SLC24A2: variants seen among roughly 807,000 people sequenced by gnomAD.
The protein encoded by SLC24A2 is solute carrier family 24 member 2.
In SLC24A2, 36 loss-of-function variants were observed where a neutral mutation model predicts 62.0. That is an observed-to-expected ratio of 0.58 (90% CI 0.44 to 0.77). The LOEUF (loss-of-function observed/expected upper bound fraction) is 0.77. SLC24A2 is among the 30% of genes least tolerant of loss of function. The pLI, the probability that SLC24A2 is intolerant of heterozygous loss-of-function variation, is 0.00. For missense variants in SLC24A2, 846 were observed against 817.9 expected (o/e 1.03, Z -0.42); for synonymous variants, 358 against 294.0 (o/e 1.22, Z -2.23).
At chr9:19,867,913 A>T in the SLC24A2 span, among the ~76,000 whole-genome samples, 10 of 152,144 alleles carry the variant, frequency 6.6e-5, no homozygotes, top group African/African-American at 2.4e-4. Context: ...GTCTCAGAAG[A>T]ACAAAAACAA....
the SLC24A2 span, among the ~76,000 whole-genome samples, chr9:19,882,874 C>A: frequency 2.0e-5 from 3 of 152,274 alleles, no homozygotes; most frequent in East Asian, 5.8e-4. Flanking sequence ...GGCTACTCCA[C>A]CAAGCAGCCG....
chr9:20,266,830 T>C, the SLC24A2 span, among the ~76,000 whole-genome samples: 1 of 152,238 alleles, frequency 6.6e-6, no homozygotes, highest in East Asian at 1.9e-4. Context: ...ATAATTCCAA[T>C]ACTTTGGGAG....
At chr9:19,961,069 AAGAG>A in the SLC24A2 span, among the ~76,000 whole-genome samples, 1 of 140,262 alleles carries the variant, frequency 7.1e-6, no homozygotes, top group Admixed American at 7.3e-5. Flanking sequence ...AGAAAGGAGA[AAGAG>A]AGAAGAAAGG....
intron 2 of SLC24A2, among the ~76,000 whole-genome samples, chr9:19,625,836 G>A (rs961211617): frequency 2.0e-5 from 3 of 151,658 alleles, no homozygotes; most frequent in African/African-American, 7.3e-5. Context: ...ACAGGTGCCC[G>A]CCACCACGCC....
intron 4 of SLC24A2, among the ~76,000 whole-genome samples, chr9:19,610,906 C>T (rs2132934472): frequency 6.6e-6 from 1 of 152,334 alleles, no homozygotes; most frequent in South Asian, 2.1e-4. Flanking sequence ...GTGCCAGACA[C>T]TAGGGATAGA....
chr9:20,252,173 A>G, the SLC24A2 span, among the ~76,000 whole-genome samples: 1 of 152,222 alleles, frequency 6.6e-6, no homozygotes, highest in Non-Finnish European at 1.5e-5. Flanking sequence ...CAATGAGAAG[A>G]TCATTATAAA....
the SLC24A2 span, among the ~76,000 whole-genome samples, chr9:20,104,457 G>A: frequency 3.3e-5 from 5 of 152,114 alleles, no homozygotes; most frequent in East Asian, 1.9e-4. Context: ...GAGAAAGGTC[G>A]GGTTACCCAC....
the SLC24A2 span, among the ~76,000 whole-genome samples, chr9:19,936,026 C>T: frequency 6.6e-6 from 1 of 152,150 alleles, no homozygotes; most frequent in South Asian, 2.1e-4. Flanking sequence ...AAGAAATTCA[C>T]TTGAGTATGA....
At chr9:20,153,568 G>A in the SLC24A2 span, among the ~76,000 whole-genome samples, 1 of 151,792 alleles carries the variant, frequency 6.6e-6, no homozygotes, top group African/African-American at 2.4e-5. Context: ...TGAAAATGAA[G>A]GGACATCATC....
chr9:20,026,195 T>C, the SLC24A2 span, among the ~76,000 whole-genome samples: 1 of 151,864 alleles, frequency 6.6e-6, no homozygotes, highest in Non-Finnish European at 1.5e-5. Flanking sequence ...TATAATTAAA[T>C]GAATTAAGGT....
intron 2 of SLC24A2, among the ~76,000 whole-genome samples, chr9:19,627,164 G>C (rs1053923341): frequency 1.4e-4 from 21 of 152,186 alleles, no homozygotes; most frequent in African/African-American, 4.8e-4. Flanking sequence ...CAGGGTGCAG[G>C]AGTACCCACT....
At chr9:19,793,925 TC>T (rs752643123), upstream of SLC24A2, among the ~76,000 whole-genome samples, 2 of 152,236 alleles carry the variant, frequency 1.3e-5, no homozygotes, top group Non-Finnish European at 2.9e-5. Flanking sequence ...TATCAAAATA[TC>T]CTGATGTTCT....
intron 4 of SLC24A2, among the ~76,000 whole-genome samples, chr9:19,619,048 G>T (rs1263152362): frequency 6.6e-6 from 1 of 152,112 alleles, no homozygotes; most frequent in Non-Finnish European, 1.5e-5. Context: ...CTCCTAAGCA[G>T]TTCTCAAAGA....
At chr9:19,927,556 A>G in the SLC24A2 span, 1 of 152,228 alleles carries the variant, frequency 6.6e-6, no homozygotes, top group South Asian at 2.1e-4. Context: ...CCTCAGTGCC[A>G]TGATAGAAAC....
chr9:20,214,151 G>T, the SLC24A2 span, among the ~76,000 whole-genome samples: 1 of 152,124 alleles, frequency 6.6e-6, no homozygotes, highest in Non-Finnish European at 1.5e-5. Flanking sequence ...TATGAATAGT[G>T]CTTCAATGAA....
chr9:19,853,678 A>G, the SLC24A2 span, among the ~76,000 whole-genome samples: 6 of 152,214 alleles, frequency 3.9e-5, no homozygotes, highest in African/African-American at 1.4e-4. Flanking sequence ...ATGGTGGATA[A>G]GCTTTTTTTA....
the SLC24A2 span, among the ~76,000 whole-genome samples, chr9:20,199,470 C>G: frequency 3.6e-4 from 55 of 152,188 alleles, no homozygotes; most frequent in African/African-American, 1.3e-3. Flanking sequence ...GGGGGGTGTC[C>G]TAATTCTTAT....
intron 4 of SLC24A2, among the ~76,000 whole-genome samples, chr9:19,601,246 T>G (rs1836832777): frequency 6.6e-6 from 1 of 152,102 alleles, no homozygotes; most frequent in African/African-American, 2.4e-5. Context: ...CAATTAGTGC[T>G]CTGTAAAACA....
chr9:20,066,240 A>C, the SLC24A2 span, among the ~76,000 whole-genome samples: 1 of 152,246 alleles, frequency 6.6e-6, no homozygotes, highest in Admixed American at 6.5e-5. Context: ...GCTATTTTTA[A>C]AAAGGCATTT....
Sources: allele counts gnomAD v4.1 joint callset (sites outside exome capture counted in the v4.1 genomes callset), GRCh38; gene constraint gnomAD v4.1.1; transcripts MANE v1.5; gene names NCBI Gene and HGNC (gene_info 2026-07-23, HGNC 2026-07-21).